Variants in YARS1 observed in about 807,000 individuals in gnomAD.
YARS1 encodes the protein tyrosyl-tRNA synthetase 1.
A neutral mutation model predicts 62.2 loss-of-function variants in YARS1; 36 were observed. That is an observed-to-expected ratio of 0.58 (90% CI 0.44 to 0.76). The LOEUF (loss-of-function observed/expected upper bound fraction) is 0.76, where lower values mean the gene tolerates loss of function less well. Among genes scored for constraint, YARS1 ranks in the 30% least tolerant of loss-of-function variants. The pLI is 0.00. For missense variants in YARS1, 524 were observed against 639.8 expected (o/e 0.82, Z 1.95); for synonymous variants, 234 against 244.9 (o/e 0.96, Z 0.42).
At chr1:32,812,401 A>T (rs914730621) in intron 1 of YARS1, among the ~76,000 whole-genome samples, 2 of 152,230 alleles carry the variant, frequency 1.3e-5, no homozygotes, top group African/African-American at 2.4e-5. Flanking sequence ...TAGCAATAAG[A>T]TACCAAATTC....
At chr1:32,797,705 A>AAC in intron 5 of YARS1, 58 bp downstream of exon 5, 1 of 1,447,212 alleles carries the variant, frequency 6.9e-7, no homozygotes, top group Non-Finnish European at 9.7e-7. Context: ...TAGTTCAATA[A>AAC]ACACAGCTGC....
At chr1:32,807,004 T>C (rs191178982) in intron 3 of YARS1, among the ~76,000 whole-genome samples, 3 of 152,176 alleles carry the variant, frequency 2.0e-5, no homozygotes, top group Non-Finnish European at 4.4e-5. Context: ...AAACTAGGCA[T>C]GGAGCCCAGA....
In YARS1 at chr1:32,787,088, G is replaced by T. The variant is rs760100264; in HGVS notation, c.685-13C>A. 6 of 1,613,906 alleles carry T rather than the reference G, an allele frequency of 3.7e-6. No homozygotes were observed. The South Asian group carries it at 4.4e-5, about 12-fold the overall frequency. On this transcript the variant is annotated splice_polypyrimidine_tract_variant and intron_variant, in intron 6 of 12. Coordinates refer to ENST00000373477, the MANE Select transcript of YARS1 (RefSeq NM_003680.4). ...CAATCTTGGACTCCTAGAAGTCATA[G>T]AACGGAAGAGGACCTCTTGTGGTTG...
Position 32,776,204 on chromosome 1 carries a change from A to C in YARS1, c.1477-113T>G. Reference sequence around the variant, plus strand: ...CTCTTGTTGCCCAGGCTGGAGTGCAATGGCGTGATCTTGGCTCACCGCAAC... The same window carrying C: ...CTCTTGTTGCCCAGGCTGGAGTGCACTGGCGTGATCTTGGCTCACCGCAAC... On this transcript the variant is annotated intron_variant, in intron 12 of 12. Transcript: ENST00000373477. This position sits in a 1 kb window ranked among gnomAD's most constrained non-coding sequence, Gnocchi z 4.0. 1 of 894,658 alleles carries C rather than the reference A, an allele frequency of 1.1e-6. No homozygotes were observed. 55.4% of individuals were successfully genotyped at this position (894,658 alleles called of 1,614,324 possible). A position where few individuals can be genotyped will look rare whatever the true frequency, so the allele number is the denominator to read the frequency against.
chr1:32,814,354 A>G (rs1268033483), intron 1 of YARS1, among the ~76,000 whole-genome samples: 1 of 152,058 alleles, frequency 6.6e-6, no homozygotes, highest in Non-Finnish European at 1.5e-5. Context: ...TTCTCCTAAC[A>G]GGTCTCCCAA....
intron 1 of YARS1, among the ~76,000 whole-genome samples, chr1:32,812,019 A>C (rs774257845): frequency 2.0e-5 from 3 of 152,122 alleles, no homozygotes; most frequent in Non-Finnish European, 4.4e-5. Context: ...CCTTTGGAGT[A>C]TATTTATTCA....
chr1:32,779,595 C>T, intron 11 of YARS1, 72 bp from the exon 12 acceptor site: 1 of 1,606,512 alleles, frequency 6.2e-7, no homozygotes, highest in South Asian at 1.1e-5. Flanking sequence ...CCAAAGCAAT[C>T]CGGGCCTTTA....
At chr1:32,788,275 T>C (rs796772) in intron 6 of YARS1, among the ~76,000 whole-genome samples, 47,304 of 151,944 alleles carry the variant, frequency 0.31, 7,473 homozygotes, top group Middle Eastern at 0.34. Context: ...TCTTTTCAGA[T>C]GGTCTCGCTC....
At chr1:32,786,806 T>C (rs1653242324) in intron 7 of YARS1, 134 bp downstream of exon 7, 3 of 1,190,780 alleles carry the variant, frequency 2.5e-6, no homozygotes, top group Non-Finnish European at 3.6e-6. Flanking sequence ...CATACTTTAA[T>C]ATATAAGAAA....
At chr1:32,801,942 CTTT>C (rs34270752) in intron 4 of YARS1, among the ~76,000 whole-genome samples, 4 of 103,888 alleles carry the variant, frequency 3.9e-5, no homozygotes, top group Non-Finnish European at 3.8e-5. Context: ...CTTGTTATTT[CTTT>C]TTTTTTTTTT....
intron 1 of YARS1, 68 bp downstream of exon 1, chr1:32,817,119 TG>T: frequency 6.3e-7 from 1 of 1,595,582 alleles, no homozygotes. Context: ...AACCCCGTAA[TG>T]GGGCTCAAAA....
At chr1:32,793,647 C>G (rs1421936824) in intron 5 of YARS1, among the ~76,000 whole-genome samples, 1 of 151,954 alleles carries the variant, frequency 6.6e-6, no homozygotes, top group Non-Finnish European at 1.5e-5. Context: ...TCAAAGAAAA[C>G]AACAACAAAA....
At chr1:32,777,427 A>G (rs1048122612) in intron 12 of YARS1, among the ~76,000 whole-genome samples, 16 of 152,138 alleles carry the variant, frequency 1.1e-4, no homozygotes, top group Admixed American at 7.9e-4. Flanking sequence ...CCTGGCCAAC[A>G]TGGTGAAACC....
At chr1:32,778,098 G>A (rs1244305302) in intron 12 of YARS1, among the ~76,000 whole-genome samples, 1 of 152,194 alleles carries the variant, frequency 6.6e-6, no homozygotes, top group Non-Finnish European at 1.5e-5. Flanking sequence ...GTGTCCTCCA[G>A]AAGCACTCCT....
At chr1:32,797,624 C>A (rs996973779) in intron 5 of YARS1, 139 bp downstream of exon 5, 9 of 768,280 alleles carry the variant, frequency 1.2e-5, no homozygotes, top group South Asian at 8.7e-5. Context: ...TATCTTCTAT[C>A]CTCAGTGTTC....
chr1:32,816,728 C>T, intron 1 of YARS1: 1 of 167,882 alleles, frequency 6.0e-6, no homozygotes, highest in South Asian at 1.4e-4. Context: ...TCCTTCAAGG[C>T]GCAGTTTGGA....
chr1:32,794,331 T>C (rs933831869), intron 5 of YARS1, among the ~76,000 whole-genome samples: 3 of 151,986 alleles, frequency 2.0e-5, no homozygotes, highest in African/African-American at 2.4e-5. Context: ...GCCTGGGTGA[T>C]AGAGGGAGAC....
chr1:32,787,754 C>G (rs1765226), intron 6 of YARS1, among the ~76,000 whole-genome samples: 1 of 152,134 alleles, frequency 6.6e-6, no homozygotes, highest in African/African-American at 2.4e-5. Flanking sequence ...ACCTCGTGAT[C>G]TGCCCCGCCT....
chr1:32,800,340 A>T (rs993744740), intron 4 of YARS1, among the ~76,000 whole-genome samples: 2 of 152,120 alleles, frequency 1.3e-5, no homozygotes, highest in African/African-American at 4.8e-5. Context: ...TTATTTTCTC[A>T]TATCAAGCAT....
Sources: gnomAD v4.1 joint callset for allele counts (sites outside exome capture counted in the v4.1 genomes callset) on GRCh38, gnomAD v4.1.1 for gene constraint, Gnocchi (gnomAD v3.1) non-coding constraint, MANE v1.5 for transcripts, NCBI Gene and HGNC (gene_info 2026-07-23, HGNC 2026-07-21) for gene names.